COL25A1: variants seen among roughly 807,000 people sequenced by gnomAD.
The protein encoded by COL25A1 is collagen type XXV alpha 1 chain.
A neutral mutation model predicts 128.4 loss-of-function variants in COL25A1; 103 were observed. That is an observed-to-expected ratio of 0.80 (90% CI 0.68 to 0.94). The LOEUF (loss-of-function observed/expected upper bound fraction) is 0.94. COL25A1 is among the 40% of genes least tolerant of loss of function. The pLI is 0.00. For synonymous variants in COL25A1, 279 were observed against 277.2 expected, an observed-to-expected ratio of 1.01 and a Z score of -0.06; for missense variants, 745 against 840.0, an observed-to-expected ratio of 0.89 and a Z score of 1.40.
chr4:109,065,804 C>A (rs1168733339), intron 3 of COL25A1, among the ~76,000 whole-genome samples: 1 of 152,108 alleles, frequency 6.6e-6, no homozygotes, highest in Non-Finnish European at 1.5e-5. Context: ...ATTGACAAGA[C>A]CTTCCTTGTG....
chr4:108,926,636 A>G (rs895511476), intron 11 of COL25A1, among the ~76,000 whole-genome samples: 7 of 152,252 alleles, frequency 4.6e-5, no homozygotes, highest in Admixed American at 4.6e-4. Flanking sequence ...TTTGAAAGAT[A>G]TTAACCTGGT....
At chr4:108,934,322 C>T (rs1056495461) in intron 11 of COL25A1, among the ~76,000 whole-genome samples, 13 of 56,456 alleles carry the variant, frequency 2.3e-4, no homozygotes, top group Admixed American at 1.7e-3. Flanking sequence ...CATCATACAC[C>T]GGGGCCTGTT....
chr4:109,076,904 G>A (rs118067861), intron 3 of COL25A1, among the ~76,000 whole-genome samples: 1 of 152,240 alleles, frequency 6.6e-6, no homozygotes, highest in East Asian at 1.9e-4. Context: ...TGGCGCTCAG[G>A]CAGTAATGCA....
At chr4:109,005,638 G>C (rs1050744246) in intron 6 of COL25A1, among the ~76,000 whole-genome samples, 3 of 152,144 alleles carry the variant, frequency 2.0e-5, no homozygotes, top group East Asian at 1.9e-4. Flanking sequence ...AAAATCCATT[G>C]AAAGTCAGAA....
chr4:108,982,324 T>C (rs1390370316), intron 6 of COL25A1, among the ~76,000 whole-genome samples: 1 of 152,230 alleles, frequency 6.6e-6, no homozygotes, highest in African/African-American at 2.4e-5. Flanking sequence ...TAATATAGTC[T>C]ACCTCTATCG....
chr4:109,279,135 G>C (rs1198029367), intron 3 of COL25A1, among the ~76,000 whole-genome samples: 2 of 151,960 alleles, frequency 1.3e-5, no homozygotes, highest in Non-Finnish European at 2.9e-5. Context: ...GGAAGACACA[G>C]ACACCCAAAC....
chr4:109,301,212 T>A (rs79821933), intron 2 of COL25A1, among the ~76,000 whole-genome samples: 2,091 of 146,834 alleles, frequency 0.014, 52 homozygotes, highest in African/African-American at 0.048. Context: ...AAAGCTACTT[T>A]AAAAAAAAAA....
intron 3 of COL25A1, among the ~76,000 whole-genome samples, chr4:109,280,950 C>T (rs1723321987): frequency 6.6e-6 from 1 of 151,980 alleles, no homozygotes; most frequent in African/African-American, 2.4e-5. Context: ...ATATCTACAA[C>T]TTACATTTGA....
intron 3 of COL25A1, among the ~76,000 whole-genome samples, chr4:109,093,911 A>G (rs1258661236): frequency 6.6e-6 from 1 of 152,202 alleles, no homozygotes; most frequent in Non-Finnish European, 1.5e-5. Flanking sequence ...CTGCAAAAAA[A>G]AAAAGTTTTT....
At chr4:109,251,507 G>GA (rs1780644271) in intron 3 of COL25A1, among the ~76,000 whole-genome samples, 1 of 152,198 alleles carries the variant, frequency 6.6e-6, no homozygotes, top group African/African-American at 2.4e-5. Flanking sequence ...CTTCGTGGTA[G>GA]AATAGCAGTC....
At chr4:109,241,774 A>G (rs182111066) in intron 3 of COL25A1, among the ~76,000 whole-genome samples, 9 of 152,202 alleles carry the variant, frequency 5.9e-5, no homozygotes, top group African/African-American at 1.7e-4. Context: ...CAACACAGGA[A>G]ACATTTAGAA....
chr4:109,131,642 C>G (rs142578117), intron 3 of COL25A1, among the ~76,000 whole-genome samples: 201 of 152,064 alleles, frequency 1.3e-3, no homozygotes, highest in African/African-American at 4.3e-3. Context: ...AAAATCTTCC[C>G]TCTCATATCT....
chr4:109,143,527 C>T (rs1169517985), intron 3 of COL25A1, among the ~76,000 whole-genome samples: 1 of 152,212 alleles, frequency 6.6e-6, no homozygotes, highest in East Asian at 1.9e-4. Flanking sequence ...TTCTCCCCGT[C>T]ACTTTCAGGT....
At chr4:109,301,212 T>TAA (rs769382127) in intron 2 of COL25A1, among the ~76,000 whole-genome samples, 2 of 146,842 alleles carry the variant, frequency 1.4e-5, no homozygotes, top group African/African-American at 5.0e-5. Context: ...AAAGCTACTT[T>TAA]AAAAAAAAAA....
chr4:108,886,478 G>GTTTTTT (rs1376745333), intron 18 of COL25A1, among the ~76,000 whole-genome samples: 2 of 125,388 alleles, frequency 1.6e-5, no homozygotes, highest in African/African-American at 6.3e-5. Context: ...GTGTGTGTGT[G>GTTTTTT]TGTGTGTGTG....
In COL25A1 at chr4:109,224,705, C is replaced by T. The variant is rs529565609; in HGVS notation, c.367+75878G>A. Among the ~76,000 whole-genome samples the T allele has an allele frequency of 8.5e-5, 13 of 152,136 alleles. No individual in the cohort carries two copies. In the South Asian group the frequency reaches 2.7e-3, roughly 32 times the overall value. On this transcript the variant is annotated intron_variant, in intron 3 of 37. Transcript: ENST00000399132. ...CTGTAATCTCAGCACTTTGGGAGTC[C>T]GAAGTGGGTGGATCAACTGAGGTCG...
chr4:109,146,908 T>C (rs1344292995), intron 3 of COL25A1, among the ~76,000 whole-genome samples: 4 of 152,186 alleles, frequency 2.6e-5, no homozygotes, highest in African/African-American at 9.7e-5. Flanking sequence ...GGACCAAATC[T>C]GTGTATGTGT....
Position 108,845,178 on chromosome 4 carries a change from C to T in COL25A1, c.1578+11G>A. 1 of 1,611,432 alleles carries T rather than the reference C, an allele frequency of 6.2e-7. No individual in the cohort carries two copies. The highest frequency in any genetic ancestry group is 8.5e-7 in the Non-Finnish European group (1 of 1,177,564). ...TCAGGAACAATGGAAGTTCAGCCAC[C>T]ATGGACTTACAGAAGGACCCTGTGG... On this transcript the variant is annotated intron_variant, in intron 29 of 37. Coordinates refer to ENST00000399132, the MANE Select transcript of COL25A1 (RefSeq NM_198721.4).
At chr4:109,135,040 A>C (rs1290945953) in intron 3 of COL25A1, among the ~76,000 whole-genome samples, 5 of 151,596 alleles carry the variant, frequency 3.3e-5, no homozygotes, top group East Asian at 1.9e-4. Context: ...AAAAAAAAAA[A>C]AAAAAACCAA....
Sources: allele counts gnomAD v4.1 joint callset (sites outside exome capture counted in the v4.1 genomes callset), GRCh38; gene constraint gnomAD v4.1.1; transcripts MANE v1.5; gene names NCBI Gene and HGNC (gene_info 2026-07-23, HGNC 2026-07-21).